Variants in NTNG1 observed in about 807,000 individuals in gnomAD.
NTNG1 encodes netrin-G1.
In NTNG1, 16 loss-of-function variants were observed where a neutral mutation model predicts 54.0. The ratio of observed to expected loss-of-function variants is 0.30; its 90% CI spans 0.20 to 0.45. The LOEUF is 0.45. Ranked by LOEUF, NTNG1 falls within the 20% of genes least tolerant of loss-of-function variation. The pLI is 1.00. For synonymous variants in NTNG1, 255 were observed against 263.1 expected, an observed-to-expected ratio of 0.97 and a Z score of 0.30; for missense variants, 530 against 678.7, an observed-to-expected ratio of 0.78 and a Z score of 2.43.
intron 7 of NTNG1, among the ~76,000 whole-genome samples, chr1:107,442,457 C>T (rs369431956): frequency 2.6e-5 from 4 of 152,210 alleles, no homozygotes; most frequent in Admixed American, 6.5e-5. Flanking sequence ...GACTATCAAA[C>T]GCTCTTTCTT....
chr1:107,141,021 C>T (rs1480252967), upstream of NTNG1: 1 of 152,562 alleles, frequency 6.6e-6, no homozygotes, highest in Non-Finnish European at 1.5e-5. Flanking sequence ...ATCTACCTGT[C>T]AAAGTCACTG....
intron 4 of NTNG1, among the ~76,000 whole-genome samples, 165 bp from the exon 5 acceptor site, chr1:107,407,517 G>A (rs1202044652): frequency 2.0e-5 from 3 of 151,772 alleles, no homozygotes; most frequent in Admixed American, 6.6e-5. Flanking sequence ...TGTGTATAAT[G>A]TGTATATGCA....
At chr1:107,209,753 A>C (rs985235902) in intron 2 of NTNG1, among the ~76,000 whole-genome samples, 4 of 152,190 alleles carry the variant, frequency 2.6e-5, no homozygotes, top group Non-Finnish European at 5.9e-5. Flanking sequence ...CTGTTTGTAC[A>C]AGGAAGAAGT....
chr1:107,269,403 C>T (rs1663975640), intron 2 of NTNG1, among the ~76,000 whole-genome samples: 1 of 152,190 alleles, frequency 6.6e-6, no homozygotes. Flanking sequence ...CTACCCTTGG[C>T]ATTTCCAGTT....
intron 5 of NTNG1, among the ~76,000 whole-genome samples, chr1:107,413,639 T>C (rs658575): frequency 0.95 from 144,405 of 152,148 alleles, 68,997 homozygotes; most frequent in East Asian, 1. Context: ...CATCGTGGTA[T>C]CCTGTTTCTC....
chr1:107,151,409 T>C (rs1453907083), intron 2 of NTNG1, among the ~76,000 whole-genome samples: 1 of 152,194 alleles, frequency 6.6e-6, no homozygotes, highest in Non-Finnish European at 1.5e-5. Context: ...TTATGACTTA[T>C]GCGTTCTCCC....
intron 7 of NTNG1, among the ~76,000 whole-genome samples, chr1:107,455,435 G>C (rs754054461): frequency 7.9e-5 from 12 of 152,228 alleles, no homozygotes; most frequent in Non-Finnish European, 1.3e-4. Flanking sequence ...TGGTGCTCAG[G>C]ATCAAGTGAA....
At chr1:107,189,019 T>C (rs986191560) in intron 2 of NTNG1, among the ~76,000 whole-genome samples, 11 of 151,806 alleles carry the variant, frequency 7.2e-5, no homozygotes, top group African/African-American at 2.7e-4. Context: ...AAAGAATAGG[T>C]GTTGGTGTAC....
At chr1:107,312,658 A>G (rs937198787) in intron 2 of NTNG1, among the ~76,000 whole-genome samples, 3 of 152,154 alleles carry the variant, frequency 2.0e-5, no homozygotes, top group Non-Finnish European at 4.4e-5. Flanking sequence ...TTCTAAATAC[A>G]GGTTCCTGGG....
At chr1:107,167,224 A>C (rs369488839) in intron 2 of NTNG1, among the ~76,000 whole-genome samples, 1 of 151,960 alleles carries the variant, frequency 6.6e-6, no homozygotes, top group South Asian at 2.1e-4. Flanking sequence ...TCATAACTTC[A>C]TGAGACTGTC....
intron 7 of NTNG1, 71 bp from the exon 8 acceptor site, chr1:107,480,540 A>C (rs1678623044): frequency 2.3e-6 from 2 of 888,266 alleles, no homozygotes; most frequent in Non-Finnish European, 3.5e-6. Context: ...ATGATGTACC[A>C]GATGAACTTC....
At chr1:107,417,142 A>G (rs1328203) in intron 5 of NTNG1, among the ~76,000 whole-genome samples, 22,324 of 152,104 alleles carry the variant, frequency 0.15, 1,731 homozygotes, top group Middle Eastern at 0.24. Context: ...ATTGACTTAC[A>G]TATTTTGCCT....
chr1:107,238,548 A>G (rs1466906961), intron 2 of NTNG1, among the ~76,000 whole-genome samples: 1 of 152,120 alleles, frequency 6.6e-6, no homozygotes, highest in Non-Finnish European at 1.5e-5. Flanking sequence ...TCTCATTTTG[A>G]TTTCCCACAT....
At chr1:107,445,802 C>T (rs509625) in intron 7 of NTNG1, among the ~76,000 whole-genome samples, 6,295 of 152,140 alleles carry the variant, frequency 0.041, 290 homozygotes, top group African/African-American at 0.11. Flanking sequence ...CCATAGACAA[C>T]GCTTAAATGA....
chr1:107,437,175 C>T (rs1180237797), intron 7 of NTNG1, among the ~76,000 whole-genome samples: 1 of 152,146 alleles, frequency 6.6e-6, no homozygotes, highest in East Asian at 1.9e-4. Context: ...CCTAGAGCTC[C>T]AGAGTTCATA....
intron 3 of NTNG1, among the ~76,000 whole-genome samples, chr1:107,348,367 A>G (rs1669390803): frequency 6.6e-6 from 1 of 152,088 alleles, no homozygotes; most frequent in African/African-American, 2.4e-5. Flanking sequence ...TTCAAGTGAT[A>G]TGCTCACCTC....
At chr1:107,173,723 C>CT (rs201511510) in intron 2 of NTNG1, among the ~76,000 whole-genome samples, 27 of 133,024 alleles carry the variant, frequency 2.0e-4, no homozygotes, top group African/African-American at 4.9e-4. Flanking sequence ...TTCTTTCTTT[C>CT]TTTCTTTTTT....
rs1020027105 is a variant in NTNG1 at position 107,483,155 on chromosome 1, A to G, written c.*2315A>G. 7 of 152,238 alleles carry G rather than the reference A, an allele frequency of 4.6e-5. No individual in the cohort carries two copies. Among genetic ancestry groups the G allele is most frequent in the Non-Finnish European group, 8.8e-5 (6 of 68,044 alleles). 9.4% of individuals were successfully genotyped at this position (152,238 alleles called of 1,614,324 possible). A position where few individuals can be genotyped will look rare whatever the true frequency, so the allele number is the denominator to read the frequency against. On this transcript the variant is annotated 3_prime_UTR_variant, in exon 8 of 8. Coordinates refer to ENST00000370068, the MANE Select transcript of NTNG1 (RefSeq NM_001113226.3). The stretch of plus-strand genomic sequence containing the variant: ...TAGAGTTTAAGTTGTCTTATAGTTT[A>G]TTAGCACAAACCAAAGGCAGCCCAT...
chr1:107,212,267 G>A (rs1214815936), intron 2 of NTNG1, among the ~76,000 whole-genome samples: 1 of 152,098 alleles, frequency 6.6e-6, no homozygotes, highest in Non-Finnish European at 1.5e-5. Flanking sequence ...ATAGTAATGA[G>A]TATGCTTGAA....
Sources: gnomAD v4.1 joint callset for allele counts (sites outside exome capture counted in the v4.1 genomes callset) on GRCh38, gnomAD v4.1.1 for gene constraint, MANE v1.5 for transcripts, NCBI Gene and HGNC (gene_info 2026-07-23, HGNC 2026-07-21) for gene names.